MAST4: variants seen among roughly 807,000 people sequenced by gnomAD.
MAST4 encodes the protein microtubule associated serine/threonine kinase family member 4.
In MAST4, 89 loss-of-function variants were observed where a neutral mutation model predicts 162.7. The observed-to-expected ratio is 0.55, with a 90% CI of 0.46 to 0.65. The LOEUF (loss-of-function observed/expected upper bound fraction) is 0.65. MAST4 is among the 30% of genes least tolerant of loss of function. MAST4 has a pLI of 0.00. For synonymous variants in MAST4, 1,479 were observed against 1,361.1 expected, an observed-to-expected ratio of 1.09 and a Z score of -1.91; for missense variants, 3,153 against 3,374.0, an observed-to-expected ratio of 0.93 and a Z score of 1.62.
intron 24 of MAST4, 89 bp downstream of exon 24, chr5:67,149,678 A>T (rs1561171102): frequency 2.3e-6 from 3 of 1,303,358 alleles, no homozygotes. Flanking sequence ...AATGAGATGC[A>T]AGATTGCTTG....
chr5:66,904,180 T>G (rs574818978), intron 4 of MAST4, among the ~76,000 whole-genome samples: 12 of 152,240 alleles, frequency 7.9e-5, no homozygotes, highest in Admixed American at 2.0e-4. Context: ...GCAAGGAAGG[T>G]GCAAAAAGTG....
chr5:66,635,733 A>G (rs1354356350), intron 1 of MAST4, among the ~76,000 whole-genome samples: 1 of 151,748 alleles, frequency 6.6e-6, no homozygotes, highest in Non-Finnish European at 1.5e-5. Context: ...GCTGGAGTGC[A>G]ATGGCATGAT....
At chr5:66,846,403 A>G (rs1758859427) in intron 3 of MAST4, among the ~76,000 whole-genome samples, 1 of 152,134 alleles carries the variant, frequency 6.6e-6, no homozygotes. Context: ...TAAAGCTATG[A>G]TGTATTTTTT....
intron 4 of MAST4, among the ~76,000 whole-genome samples, chr5:66,960,886 G>A (rs1046521477): frequency 6.6e-6 from 1 of 152,088 alleles, no homozygotes; most frequent in Non-Finnish European, 1.5e-5. Flanking sequence ...CCTTGCCAGC[G>A]TCGACACAGG....
intron 1 of MAST4, among the ~76,000 whole-genome samples, chr5:66,599,361 A>C (rs1227675465): frequency 6.6e-6 from 1 of 152,154 alleles, no homozygotes; most frequent in Non-Finnish European, 1.5e-5. Flanking sequence ...ATGCTGGGTG[A>C]TAAACACTCA....
intron 2 of MAST4, among the ~76,000 whole-genome samples, chr5:66,773,412 C>T (rs934738060): frequency 4.6e-5 from 7 of 152,176 alleles, no homozygotes; most frequent in South Asian, 2.1e-4. Flanking sequence ...AGACCTAAGC[C>T]TGAAGGGAGA....
chr5:66,861,148 G>A (rs1055098030), intron 3 of MAST4, among the ~76,000 whole-genome samples: 3 of 152,190 alleles, frequency 2.0e-5, no homozygotes, highest in South Asian at 2.1e-4. Flanking sequence ...TGGGGGATCC[G>A]AGGTATCAGT....
At chr5:66,810,312 C>T (rs56328685) in intron 3 of MAST4, among the ~76,000 whole-genome samples, 37,846 of 152,106 alleles carry the variant, frequency 0.25, 5,760 homozygotes, top group Non-Finnish European at 0.35. Context: ...TCCTTACCTA[C>T]GGGCCATTTT....
intron 1 of MAST4, among the ~76,000 whole-genome samples, chr5:66,676,634 C>T (rs907223216): frequency 1.3e-5 from 2 of 152,150 alleles, no homozygotes; most frequent in African/African-American, 2.4e-5. Flanking sequence ...GGACCATAAA[C>T]CAATCAGCGG....
At chr5:67,151,469 A>T (rs1581733231) in intron 24 of MAST4, among the ~76,000 whole-genome samples, 1 of 152,248 alleles carries the variant, frequency 6.6e-6, no homozygotes, top group South Asian at 2.1e-4. Flanking sequence ...TAAAACCATT[A>T]CCTTGGGGGT....
chr5:66,919,321 TATC>T (rs1764327723), intron 4 of MAST4, among the ~76,000 whole-genome samples: 1 of 151,994 alleles, frequency 6.6e-6, no homozygotes, highest in South Asian at 2.1e-4. Context: ...CATATGAACT[TATC>T]ATCTTTACTA....
chr5:66,944,123 C>G (rs1408034599), intron 4 of MAST4, among the ~76,000 whole-genome samples: 1 of 152,090 alleles, frequency 6.6e-6, no homozygotes, highest in Non-Finnish European at 1.5e-5. Context: ...TTTACAATTC[C>G]TATTTCCTTC....
chr5:66,829,056 G>T (rs1262773151), intron 3 of MAST4, among the ~76,000 whole-genome samples: 1 of 152,222 alleles, frequency 6.6e-6, no homozygotes, highest in African/African-American at 2.4e-5. Flanking sequence ...ACAGGGTTCA[G>T]TGAGGAAGCT....
chr5:66,999,948 T>C (rs1238328006), intron 4 of MAST4, among the ~76,000 whole-genome samples: 1 of 152,216 alleles, frequency 6.6e-6, no homozygotes, highest in Non-Finnish European at 1.5e-5. Context: ...TTTAATAATA[T>C]TAGAAACGCT....
intron 4 of MAST4, among the ~76,000 whole-genome samples, chr5:66,999,500 C>A (rs187523812): frequency 6.6e-6 from 1 of 152,296 alleles, no homozygotes; most frequent in Admixed American, 6.5e-5. Flanking sequence ...TAATCTTTTC[C>A]GTGTCTCTGA....
chr5:67,070,157 G>A (rs1760775321), intron 5 of MAST4, among the ~76,000 whole-genome samples: 1 of 152,108 alleles, frequency 6.6e-6, no homozygotes, highest in African/African-American at 2.4e-5. Context: ...GGAAATGTGG[G>A]TTATCATTTC....
chr5:66,911,594 G>C (rs1298255645), intron 4 of MAST4, among the ~76,000 whole-genome samples: 2 of 113,550 alleles, frequency 1.8e-5, no homozygotes, highest in African/African-American at 6.9e-5. Context: ...AAATTAGCTA[G>C]GCATGGTGGC....
chr5:66,789,236 G>C (rs1323050149), intron 3 of MAST4, among the ~76,000 whole-genome samples: 2 of 152,012 alleles, frequency 1.3e-5, no homozygotes, highest in Non-Finnish European at 2.9e-5. Context: ...ATTTTTTGAG[G>C]TATTTGAGAG....
chr5:66,805,151 T>A (rs1046109930), intron 3 of MAST4, among the ~76,000 whole-genome samples: 3 of 152,216 alleles, frequency 2.0e-5, no homozygotes, highest in African/African-American at 4.8e-5. Flanking sequence ...TTGGAACTCA[T>A]TTTTCAAAGG....
Sources: gnomAD v4.1 joint callset for allele counts (sites outside exome capture counted in the v4.1 genomes callset) on GRCh38, gnomAD v4.1.1 for gene constraint, MANE v1.5 for transcripts, NCBI Gene and HGNC (gene_info 2026-07-23, HGNC 2026-07-21) for gene names.